MITF: variants seen among roughly 807,000 people sequenced by gnomAD.
MITF encodes melanocyte inducing transcription factor, also known as microphthalmia-associated transcription factor.
Under a neutral mutation model 60.5 loss-of-function variants are expected in MITF, and 17 were observed. That is an observed-to-expected ratio of 0.28 (90% CI 0.19 to 0.42). The LOEUF (loss-of-function observed/expected upper bound fraction) is 0.42, where lower values mean the gene tolerates loss of function less well. Among genes scored for constraint, MITF ranks in the 10% least tolerant of loss-of-function variants. The probability of loss-of-function intolerance (pLI) is 1.00; values close to 1 mark genes in which losing one functional copy is unlikely to be tolerated. For missense variants in MITF, 622 were observed against 683.5 expected (o/e 0.91, Z 1.00); for synonymous variants, 260 against 248.5 (o/e 1.05, Z -0.43).
At chr3:69,953,888 A>G (rs1162906540) in intron 7 of MITF, among the ~76,000 whole-genome samples, 1 of 152,038 alleles carries the variant, frequency 6.6e-6, no homozygotes, top group Non-Finnish European at 1.5e-5. Flanking sequence ...CATTGTGTAA[A>G]AATAGCACAC....
chr3:69,862,974 CTCTA>C (rs1203930014), intron 1 of MITF, among the ~76,000 whole-genome samples: 1 of 152,098 alleles, frequency 6.6e-6, no homozygotes, highest in African/African-American at 2.4e-5. Flanking sequence ...GGGTATCTCT[CTCTA>C]TCTCTCTTTC....
intron 1 of MITF, among the ~76,000 whole-genome samples, chr3:69,771,817 C>G (rs2062398337): frequency 6.6e-6 from 1 of 152,176 alleles, no homozygotes; most frequent in African/African-American, 2.4e-5. Context: ...TGTTGATTAA[C>G]AGATGTGTGT....
chr3:69,865,571 A>G (rs1360587565), intron 1 of MITF, among the ~76,000 whole-genome samples: 1 of 152,202 alleles, frequency 6.6e-6, no homozygotes, highest in Non-Finnish European at 1.5e-5. Context: ...TTAAGAATAC[A>G]CAGTTTATGG....
At chr3:69,860,639 T>A (rs898682379) in intron 1 of MITF, among the ~76,000 whole-genome samples, 4 of 151,462 alleles carry the variant, frequency 2.6e-5, no homozygotes, top group African/African-American at 9.7e-5. Flanking sequence ...TTAGACAGAA[T>A]TTGAGATGCC....
intron 2 of MITF, among the ~76,000 whole-genome samples, chr3:69,890,012 A>G (rs1419975193): frequency 6.6e-6 from 1 of 152,182 alleles, no homozygotes; most frequent in Non-Finnish European, 1.5e-5. Context: ...ATTTACAATT[A>G]TTAATCACAC....
Position 69,739,633 on chromosome 3 carries a change from A to T in MITF, c.36A>T (p.Glu12Asp), listed in dbSNP as rs750693668. ...AATCGGGGATCGTGCCGGATTTCGA[A>T]GTCGGGGAGGAGTTTCATGAAGAGC... is the stretch of plus-strand genomic sequence containing the variant. ...QSESGIVPDF[E>D]VGEEFHEEPK... The change falls in exon 1 of 10, where the codon GAA becomes GAT. Residue 12 changes from glutamate to aspartate, a missense_variant. Coordinates refer to ENST00000352241, the MANE Select transcript of MITF (RefSeq NM_001354604.2). The T allele has an allele frequency of 1.9e-6, 3 of 1,583,714 alleles. No homozygotes were observed. The East Asian group carries it at 6.8e-5, about 36-fold the overall frequency.
At chr3:69,750,971 C>A (rs1375730705) in intron 1 of MITF, among the ~76,000 whole-genome samples, 2 of 152,080 alleles carry the variant, frequency 1.3e-5, no homozygotes, top group African/African-American at 2.4e-5. Context: ...CCAGGCCTTC[C>A]ATGGATAGGA....
intron 3 of MITF, 60 bp from the exon 4 acceptor site, chr3:69,939,038 G>A: frequency 1.9e-6 from 3 of 1,590,006 alleles, no homozygotes; most frequent in South Asian, 2.3e-5. Context: ...GTGTGAACAG[G>A]TCATTAAAAA....
intron 1 of MITF, among the ~76,000 whole-genome samples, chr3:69,843,540 G>A (rs2063676660): frequency 6.6e-6 from 1 of 151,940 alleles, no homozygotes; most frequent in Non-Finnish European, 1.5e-5. Flanking sequence ...TATTGTATGG[G>A]GTGTCTGTCT....
intron 5 of MITF, among the ~76,000 whole-genome samples, chr3:69,945,283 C>A (rs551725869): frequency 6.6e-6 from 1 of 152,126 alleles, no homozygotes; most frequent in Non-Finnish European, 1.5e-5. Context: ...TAGACCCAGG[C>A]GCATCTTCCT....
chr3:69,784,663 C>G (rs2062619854), intron 1 of MITF, among the ~76,000 whole-genome samples: 2 of 152,156 alleles, frequency 1.3e-5, no homozygotes, highest in Non-Finnish European at 2.9e-5. Flanking sequence ...AACTAGCCAG[C>G]TAGTCTCCAC....
At chr3:69,833,020 CTG>C (rs1400062536) in intron 1 of MITF, among the ~76,000 whole-genome samples, 1 of 152,164 alleles carries the variant, frequency 6.6e-6, no homozygotes, top group Admixed American at 6.5e-5. Context: ...TCTGTTCACA[CTG>C]TATGTGATTG....
At chr3:69,770,195 C>T (rs1231268039) in intron 1 of MITF, among the ~76,000 whole-genome samples, 10 of 152,090 alleles carry the variant, frequency 6.6e-5, no homozygotes. Context: ...CTGTGTAAGC[C>T]ATGGGACCAT....
intron 1 of MITF, among the ~76,000 whole-genome samples, chr3:69,805,802 G>A (rs2062995969): frequency 6.6e-6 from 1 of 151,996 alleles, no homozygotes; most frequent in South Asian, 2.1e-4. Flanking sequence ...AGGACTACAG[G>A]CATATGCCAC....
At chr3:69,945,805 A>G (rs1454210221) in intron 5 of MITF, among the ~76,000 whole-genome samples, 2 of 152,188 alleles carry the variant, frequency 1.3e-5, no homozygotes, top group Non-Finnish European at 1.5e-5. Context: ...AGGTGCATCA[A>G]CTGAAAATAC....
chr3:69,924,737 A>G (rs546735024), intron 2 of MITF, among the ~76,000 whole-genome samples: 1 of 152,326 alleles, frequency 6.6e-6, no homozygotes, highest in African/African-American at 2.4e-5. Context: ...TACAATTTTC[A>G]GGAATTTACA....
At chr3:69,785,397 T>C (rs1237121447) in intron 1 of MITF, among the ~76,000 whole-genome samples, 1 of 152,178 alleles carries the variant, frequency 6.6e-6, no homozygotes, top group Admixed American at 6.5e-5. Flanking sequence ...AACAATCCCA[T>C]GAGCTCGGTA....
intron 2 of MITF, among the ~76,000 whole-genome samples, chr3:69,898,390 A>T (rs1274218720): frequency 6.6e-6 from 1 of 152,222 alleles, no homozygotes; most frequent in Non-Finnish European, 1.5e-5. Context: ...GGCTGGAGAG[A>T]TAGGCATGGG....
intron 7 of MITF, among the ~76,000 whole-genome samples, chr3:69,954,889 A>T (rs912058534): frequency 3.3e-5 from 5 of 152,188 alleles, no homozygotes; most frequent in Non-Finnish European, 7.4e-5. Flanking sequence ...AGGTGTACAG[A>T]CTATTAGTGG....
Sources: allele counts gnomAD v4.1 joint callset (sites outside exome capture counted in the v4.1 genomes callset), GRCh38; gene constraint gnomAD v4.1.1; transcripts MANE v1.5; gene names NCBI Gene and HGNC (gene_info 2026-07-23, HGNC 2026-07-21).